The following RNF40 variants were observed in gnomAD, a reference collection of about 807,000 sequenced individuals.
The protein encoded by RNF40 is E3 ubiquitin-protein ligase BRE1B.
RNF40 carries 39 observed loss-of-function variants against 123.3 expected under a neutral mutation model. The ratio of observed to expected loss-of-function variants is 0.32; its 90% CI spans 0.24 to 0.41. The LOEUF is 0.41. Among genes scored for constraint, RNF40 ranks in the 10% least tolerant of loss-of-function variants. RNF40 has a pLI of 1.00. For synonymous variants in RNF40, 538 were observed against 526.0 expected (o/e 1.02, Z -0.31); for missense variants, 1,003 against 1,319.9 (o/e 0.76, Z 3.72).
Position 30,775,731 on chromosome 16 carries a change from C to A in RNF40, c.*1617C>A, listed in dbSNP as rs986547453. ...TTCACCGAGGCAGGACTGGGGCTGG[C>A]GCCAGAGCCGGTGCGGAGCGGTGTT... is the stretch of plus-strand genomic sequence containing the variant. On this transcript the variant is annotated 3_prime_UTR_variant, in exon 20 of 20. Transcript: ENST00000324685. 1 of 152,594 alleles carries A rather than the reference C, an allele frequency of 6.6e-6. No individual in the cohort carries two copies. The highest frequency in any genetic ancestry group is 1.9e-4 in the East Asian group (1 of 5,180). The allele number at this position is 152,594 out of a possible 1,614,324, so 9.5% of individuals were successfully genotyped here.
chr16:30,773,868 C>G, intron 19 of RNF40, 70 bp from the exon 20 acceptor site: 4 of 1,521,016 alleles, frequency 2.6e-6, no homozygotes, highest in Non-Finnish European at 3.6e-6. Flanking sequence ...GCCTGGACTC[C>G]TCCTGCTGTC....
At position 30,768,053 on chromosome 16, in the gene RNF40, C is replaced by G; in HGVS notation, c.1551+38C>G. On this transcript the variant is annotated intron_variant, in intron 12 of 19. Coordinates refer to ENST00000324685, the MANE Select transcript of RNF40 (RefSeq NM_014771.4). This position sits in a 1 kb window ranked among gnomAD's most constrained non-coding sequence, Gnocchi z 4.1. The stretch of plus-strand genomic sequence containing the variant: ...CTGCCTGGGAAAAGGTTTGGCTAGA[C>G]TCCAGTGAACACCATCTGACTTCAT... 1 of 1,614,160 alleles carries G rather than the reference C, an allele frequency of 6.2e-7. No individual in the cohort carries two copies. Among genetic ancestry groups the G allele is most frequent in the Non-Finnish European group, 8.5e-7 (1 of 1,180,006 alleles).
chr16:30,769,354 G>A lies in RNF40; in HGVS notation c.2416G>A (p.Glu806Lys). ...ANQIHKLLRE[E>K]KDELGEQVLG... ...CCAGATTCACAAGCTGCTGCGGGAGGAGAAGGATGAGTTGGGCGAGCAGGT... is the reference window on the plus strand; with the variant it reads ...CCAGATTCACAAGCTGCTGCGGGAGAAGAAGGATGAGTTGGGCGAGCAGGT... Residue 806 changes from glutamate (E) to lysine (K), a missense_variant, in exon 16 of 20, where the codon GAG (glutamate) becomes AAG (lysine). Glu to Lys is a moderately conservative substitution (Grantham distance 56). Around this residue, in one of 11 missense-constraint regions of RNF40, gnomAD observed 25 missense variants for 72.6 expected, o/e 0.34. Coordinates refer to ENST00000324685, the MANE Select transcript of RNF40 (RefSeq NM_014771.4). The A allele has an allele frequency of 6.2e-7, 1 of 1,614,238 alleles. No homozygotes were observed. The highest frequency in any genetic ancestry group is 8.5e-7 in the Non-Finnish European group (1 of 1,180,040).
rs746989905 is a variant in RNF40, at chr16:30,768,254, C to G, written c.1703C>G (p.Pro568Arg). 13 of 1,613,818 alleles carry G rather than the reference C, an allele frequency of 8.1e-6. No individual in the cohort carries two copies. In the Admixed American group the frequency reaches 1.7e-4, roughly 21 times the overall value. The change falls in exon 13 of 20, where the codon CCT becomes CGT. Residue 568 changes from proline to arginine, a missense_variant. This residue lies in a region of RNF40 where 295 missense variants were observed against 331.7 expected (regional missense o/e 0.89). Coordinates refer to ENST00000324685, the MANE Select transcript of RNF40 (RefSeq NM_014771.4). The surrounding 1 kb of genome is among the most constrained non-coding windows in gnomAD (Gnocchi z 4.1). ...AACAGAAAGGAGATGGCTCCAGTGCCTGGCACCACCACTACTACCACTTCA... is the reference window on the plus strand; with the variant it reads ...AACAGAAAGGAGATGGCTCCAGTGCGTGGCACCACCACTACTACCACTTCA... ...PDNRKEMAPV[P>R]GTTTTTTSVK... is the part of the protein sequence containing the mutation.
intron 5 of RNF40, 73 bp from the exon 6 acceptor site, chr16:30,764,865 C>T: frequency 6.4e-7 from 1 of 1,552,788 alleles, no homozygotes; most frequent in Non-Finnish European, 8.7e-7. Context: ...GGGTATATAG[C>T]AGACTCCAGA....
intron 11 of RNF40, among the ~76,000 whole-genome samples, chr16:30,767,160 G>C (rs557534893): frequency 6.6e-6 from 1 of 152,312 alleles, no homozygotes; most frequent in South Asian, 2.1e-4. Flanking sequence ...GTGTTACAAA[G>C]ATTTATCAAA....
chr16:30,765,339 G>C lies in RNF40; in HGVS notation c.918+12G>C, dbSNP rs770110761. On this transcript the variant is annotated intron_variant, in intron 7 of 19. Coordinates refer to ENST00000324685, the MANE Select transcript of RNF40 (RefSeq NM_014771.4). ...AGGCCTTAGAGCAGGTGGGGCAGGG[G>C]TGCTGGGGCAGGTGAGGCAAGGCTG... is the stretch of plus-strand genomic sequence containing the variant. 4.0e-5 allele frequency: 64 copies of C among 1,614,088 alleles called. No individual in the cohort carries two copies. The South Asian group carries it at 6.7e-4, about 17-fold the overall frequency.
intron 17 of RNF40, among the ~76,000 whole-genome samples, chr16:30,770,969 C>T (rs144624405): frequency 1.5e-4 from 23 of 152,196 alleles, no homozygotes; most frequent in African/African-American, 4.1e-4. Flanking sequence ...CTTGGCCTCC[C>T]AAAGTGTTGG....
chr16:30,770,819 C>T (rs1417388939), intron 17 of RNF40, among the ~76,000 whole-genome samples: 2 of 152,154 alleles, frequency 1.3e-5, no homozygotes, highest in African/African-American at 4.8e-5. Flanking sequence ...TCAAGCGATT[C>T]TTCTGCCTTA....
chr16:30,774,108 C>T lies in RNF40; in HGVS notation c.3000C>T (p.Ile1000=), dbSNP rs1567289700. The T allele has an allele frequency of 6.2e-7, 1 of 1,612,018 alleles. No individual in the cohort carries two copies. Among genetic ancestry groups the T allele is most frequent in the Non-Finnish European group, 8.5e-7 (1 of 1,178,442 alleles). Residue 1000 remains isoleucine (I), a synonymous_variant, in exon 20 of 20, where the codon ATC becomes ATT. Transcript: ENST00000324685. ...CCCACGACTTCCATCGTATCTACAT[C>T]AGCTGAACCTGAAACTCAGGGGACT... The part of the protein sequence containing the change: ...FGAHDFHRIY[I]S
Position 30,769,566 on chromosome 16 carries a change from T to A in RNF40, c.2552T>A (p.Leu851Gln). 1.2e-6 allele frequency: 2 copies of A among 1,606,284 alleles called. No homozygotes were observed. The highest frequency in any genetic ancestry group is 2.2e-5 in the East Asian group (1 of 44,560). Residue 851 changes from leucine to glutamine, a missense_variant, in exon 17 of 20, where the codon CTG becomes CAG. Coordinates refer to ENST00000324685, the MANE Select transcript of RNF40 (RefSeq NM_014771.4). ...SLGGVEKELT[L>Q]RSQALELNKR... ...GGGGGTGTGGAGAAGGAGCTGACGC[T>A]GCGCAGCCAAGCCCTGGAGCTCAAC...
chr16:30,766,305 A>T lies in RNF40; in HGVS notation c.1113+23A>T. 6.2e-7 allele frequency: 1 copy of T among 1,613,998 alleles called. No individual in the cohort carries two copies. Among genetic ancestry groups the T allele is most frequent in the Non-Finnish European group, 8.5e-7 (1 of 1,179,942 alleles). Reference sequence around the variant, plus strand: ...AAGGTGGGCTGCTGTAGGGGCTGAGAGGTCCTGGGCCTGTAAGGGAGGGAC... The same window carrying T: ...AAGGTGGGCTGCTGTAGGGGCTGAGTGGTCCTGGGCCTGTAAGGGAGGGAC... On this transcript the variant is annotated intron_variant, in intron 9 of 19. Transcript: ENST00000324685. The surrounding 1 kb of genome is among the most constrained non-coding windows in gnomAD (Gnocchi z 5.4).
intron 17 of RNF40, among the ~76,000 whole-genome samples, chr16:30,770,169 C>T (rs1013407502): frequency 2.7e-5 from 4 of 146,972 alleles, no homozygotes; most frequent in South Asian, 2.2e-4. Context: ...TGCAGTGGTG[C>T]GATCTCGGCT....
rs372843648 is a variant in RNF40 at position 30,765,470 on chromosome 16, G to T, written c.964G>T (p.Gly322Trp). The T allele has an allele frequency of 1.6e-5, 26 of 1,614,078 alleles. No homozygotes were observed. The East Asian group carries it at 4.2e-4, about 26-fold the overall frequency. Residue 322 changes from glycine (G) to tryptophan (W), a missense_variant, in exon 8 of 20, where the codon GGG becomes TGG. Physicochemically the swap from Gly to Trp is radical, Grantham distance 184. Around this residue, in one of 11 missense-constraint regions of RNF40, gnomAD observed 274 missense variants for 356.9 expected, o/e 0.77. Coordinates refer to ENST00000324685, the MANE Select transcript of RNF40 (RefSeq NM_014771.4). ...ATCTGGGAGCTCCTCAGGCTTCCAG[G>T]GGGGCCAGATCACACTCAGCATGCA... is the stretch of plus-strand genomic sequence containing the variant. ...YVSGSSSGFQ[G>W]GQITLSMQKF...
chr16:30,770,665 T>C (rs2054132497), intron 17 of RNF40, among the ~76,000 whole-genome samples: 1 of 152,196 alleles, frequency 6.6e-6, no homozygotes, highest in Non-Finnish European at 1.5e-5. Flanking sequence ...CTGAAGCTGT[T>C]TTCTTCTCCA....
upstream of RNF40, chr16:30,761,821 C>A: frequency 1.4e-6 from 2 of 1,383,110 alleles, no homozygotes; most frequent in South Asian, 2.9e-5. Flanking sequence ...AGCGCTCGGT[C>A]GGCGGCTACC....
Position 30,762,455 on chromosome 16 carries a change from C to G in RNF40, c.-71-20C>G. 8.1e-6 allele frequency: 11 copies of G among 1,357,044 alleles called. No individual in the cohort carries two copies. The highest frequency in any genetic ancestry group is 1.1e-5 in the Non-Finnish European group (11 of 1,021,770). 84.1% of individuals were successfully genotyped at this position (1,357,044 alleles called of 1,614,324 possible). On this transcript the variant is annotated intron_variant, in intron 1 of 19. Transcript: ENST00000324685. The stretch of plus-strand genomic sequence containing the variant: ...TGGAACACCAGCCGTTCCCACATCT[C>G]TGCTCTGTGTCTTCTGCAGGTGACG...
chr16:30,772,276 TG>T (rs1294881832), intron 19 of RNF40, 86 bp downstream of exon 19: 82 of 1,080,002 alleles, frequency 7.6e-5, no homozygotes, highest in Admixed American at 4.8e-4. Flanking sequence ...CTGGGGACCC[TG>T]GAAGTAATGT....
chr16:30,770,044 G>T (rs1300411268), intron 17 of RNF40, among the ~76,000 whole-genome samples: 1 of 151,518 alleles, frequency 6.6e-6, no homozygotes, highest in African/African-American at 2.4e-5. Context: ...TGAGGCTGCA[G>T]TGAGCTATGA....
Sources: allele counts gnomAD v4.1 joint callset (sites outside exome capture counted in the v4.1 genomes callset), GRCh38; gene constraint gnomAD v4.1.1; regional missense constraint gnomAD v4.1.1; non-coding constraint Gnocchi (gnomAD v3.1); transcripts MANE v1.5; gene names NCBI Gene and HGNC (gene_info 2026-07-23, HGNC 2026-07-21).